DMD: variants seen among roughly 807,000 people sequenced by gnomAD.
DMD encodes dystrophin.
In DMD, 63 loss-of-function variants were observed where a neutral mutation model predicts 330.1. That is an observed-to-expected ratio of 0.19 (90% CI 0.16 to 0.24). The LOEUF (loss-of-function observed/expected upper bound fraction) is 0.24, where lower values mean the gene tolerates loss of function less well. DMD is among the 10% of genes least tolerant of loss of function. The pLI is 1.00. For missense variants in DMD, 3,344 were observed against 2,684.1 expected, an observed-to-expected ratio of 1.25 and a Z score of -5.43; for synonymous variants, 1,223 against 959.8, an observed-to-expected ratio of 1.27 and a Z score of -5.07.
chrX:33,284,328 T>C (rs2053393141), intron 1 of DMD, among the ~76,000 whole-genome samples: 1 of 110,905 alleles, frequency 9.0e-6, no homozygotes, highest in Admixed American at 9.6e-5. Context: ...GATAGAGCAA[T>C]CAGGTTTTTC....
In DMD at chrX:31,208,250, T is replaced by C. The variant is rs773587839; in HGVS notation, c.9563+1248A>G. On this transcript the variant is annotated intron_variant, in intron 65 of 78. Transcript: ENST00000357033. ...AAAGAAATCCTGGGCACTAATGGAC[T>C]AAACAAATTCCTATCACTGGAAAAT... Among the ~76,000 whole-genome samples, 4 of 111,540 alleles carry C rather than the reference T, an allele frequency of 3.6e-5. No homozygotes were observed. The Admixed American group carries it at 3.8e-4, about 11-fold the overall frequency.
At chrX:32,802,427 T>C (rs1297664564) in intron 7 of DMD, among the ~76,000 whole-genome samples, 2 of 111,924 alleles carry the variant, frequency 1.8e-5, no homozygotes, top group Non-Finnish European at 3.8e-5. Flanking sequence ...TTTCTAAATA[T>C]ACAATCATGT....
intron 2 of DMD, among the ~76,000 whole-genome samples, chrX:32,931,740 G>A (rs990904633): frequency 6.3e-5 from 7 of 111,735 alleles, no homozygotes; most frequent in Non-Finnish European, 1.3e-4. Flanking sequence ...GTCCATGAGT[G>A]AAGACCAAAT....
intron 43 of DMD, among the ~76,000 whole-genome samples, chrX:32,270,966 A>G (rs1296572831): frequency 9.0e-6 from 1 of 111,544 alleles, no homozygotes; most frequent in Non-Finnish European, 1.9e-5. Flanking sequence ...TCACTCCTAC[A>G]TTACTGAGAG....
chrX:31,162,814 T>C (rs2038999685), intron 74 of DMD, among the ~76,000 whole-genome samples: 1 of 111,770 alleles, frequency 8.9e-6, no homozygotes, highest in Non-Finnish European at 1.9e-5. Flanking sequence ...AACTGCATAC[T>C]ATGAATCAGT....
chrX:31,493,385 T>C (rs1419251334), intron 57 of DMD, among the ~76,000 whole-genome samples: 2 of 112,403 alleles, frequency 1.8e-5, no homozygotes, highest in Non-Finnish European at 3.7e-5. Context: ...TCTGGTCAAA[T>C]GTAGACAACA....
At chrX:31,724,777 T>G (rs1292414471) in intron 52 of DMD, among the ~76,000 whole-genome samples, 2 of 112,032 alleles carry the variant, frequency 1.8e-5, no homozygotes, top group Non-Finnish European at 3.8e-5. Context: ...CCAATTATTT[T>G]ACTTTCTTAA....
intron 33 of DMD, among the ~76,000 whole-genome samples, chrX:32,384,450 C>T (rs1373189839): frequency 9.0e-6 from 1 of 110,766 alleles, no homozygotes; most frequent in Non-Finnish European, 1.9e-5. Flanking sequence ...GCTTTCCCAT[C>T]AATTGAGTAT....
intron 44 of DMD, among the ~76,000 whole-genome samples, chrX:32,160,716 T>A (rs2096846529): frequency 9.0e-6 from 1 of 111,265 alleles, no homozygotes; most frequent in Non-Finnish European, 1.9e-5. Context: ...CATGAAAGGT[T>A]TTTTTGATGT....
intron 69 of DMD, among the ~76,000 whole-genome samples, chrX:31,179,029 T>C (rs1352865629): frequency 9.0e-6 from 1 of 111,645 alleles, no homozygotes; most frequent in African/African-American, 3.3e-5. Context: ...ATCAGTAAAA[T>C]GGGAGCAACA....
At chrX:31,881,396 C>CAAAAAAAAAAAAAAAAA (rs34731646) in intron 47 of DMD, among the ~76,000 whole-genome samples, 1 of 81,035 alleles carries the variant, frequency 1.2e-5, no homozygotes, top group African/African-American at 4.4e-5. Flanking sequence ...ACTAAAAATA[C>CAAAAAAAAAAAAAAAAA]AAAAAAAAAA....
intron 62 of DMD, among the ~76,000 whole-genome samples, chrX:31,322,851 G>T (rs1025778848): frequency 8.9e-6 from 1 of 112,105 alleles, no homozygotes; most frequent in Non-Finnish European, 1.9e-5. Flanking sequence ...CCAGTAAATT[G>T]TAATTGTTGT....
intron 49 of DMD, among the ~76,000 whole-genome samples, chrX:31,831,661 T>G (rs113628207): frequency 9.0e-6 from 1 of 110,872 alleles, no homozygotes; most frequent in East Asian, 2.8e-4. Flanking sequence ...TGCAGTGGCG[T>G]GATCTCAGCT....
intron 44 of DMD, among the ~76,000 whole-genome samples, chrX:32,205,039 ACACC>A (rs760338869): frequency 0.085 from 7,261 of 85,806 alleles, 293 homozygotes; most frequent in Middle Eastern, 0.14. Context: ...ACACACACAC[ACACC>A]CACACACACA....
At chrX:32,640,429 G>T (rs188159887) in intron 11 of DMD, among the ~76,000 whole-genome samples, 2 of 109,790 alleles carry the variant, frequency 1.8e-5, no homozygotes, top group Admixed American at 2.0e-4. Flanking sequence ...AAACTGGAGA[G>T]GATTTTATGT....
intron 47 of DMD, among the ~76,000 whole-genome samples, chrX:31,909,237 T>C (rs1394380005): frequency 3.6e-5 from 4 of 111,584 alleles, no homozygotes; most frequent in Admixed American, 2.9e-4. Flanking sequence ...ACCTTTGTTG[T>C]GGTGCAGCTG....
chrX:32,037,607 G>A (rs1432949280), intron 44 of DMD, among the ~76,000 whole-genome samples: 1 of 111,383 alleles, frequency 9.0e-6, no homozygotes, highest in Non-Finnish European at 1.9e-5. Flanking sequence ...GTCAAGCTTT[G>A]AGGAATATCG....
At position 31,865,020 on chromosome X, in the gene DMD, G is replaced by A. The variant is rs1169095221; in HGVS notation, c.7098+10168C>T. Among the ~76,000 whole-genome samples the A allele has an allele frequency of 2.7e-5, 3 of 112,236 alleles. No homozygotes were observed. The Admixed American group carries it at 2.8e-4, about 11-fold the overall frequency. ...AATATCGTAAAGCCAGTAAGTGTCA[G>A]CACTGGGATTCAAACTTAGTCTTTT... On this transcript the variant is annotated intron_variant, in intron 48 of 78. Coordinates refer to ENST00000357033, the MANE Select transcript of DMD (RefSeq NM_004006.3).
intron 51 of DMD, among the ~76,000 whole-genome samples, chrX:31,748,293 C>G (rs893851516): frequency 6.3e-5 from 7 of 111,881 alleles, no homozygotes; most frequent in African/African-American, 1.6e-4. Flanking sequence ...AATAACAAAA[C>G]AAACTCACAG....
Sources: allele counts gnomAD v4.1 joint callset (sites outside exome capture counted in the v4.1 genomes callset), GRCh38; gene constraint gnomAD v4.1.1; transcripts MANE v1.5; gene names NCBI Gene and HGNC (gene_info 2026-07-23, HGNC 2026-07-21).